SWAP70: variants seen among roughly 807,000 people sequenced by gnomAD.
SWAP70 encodes switch-associated protein 70.
SWAP70 carries 34 observed loss-of-function variants against 80.2 expected under a neutral mutation model. That is an observed-to-expected ratio of 0.42 (90% CI 0.32 to 0.56). The LOEUF (loss-of-function observed/expected upper bound fraction) is 0.56, where lower values mean the gene tolerates loss of function less well. Among genes scored for constraint, SWAP70 ranks in the 20% least tolerant of loss-of-function variants. SWAP70 has a pLI of 0.09. For synonymous variants in SWAP70, 239 were observed against 238.5 expected (o/e 1.00, Z -0.02); for missense variants, 578 against 690.7 (o/e 0.84, Z 1.83).
intron 1 of SWAP70, among the ~76,000 whole-genome samples, chr11:9,677,758 TTATTG>T (rs1306657192): frequency 1.3e-5 from 2 of 152,098 alleles, no homozygotes; most frequent in Non-Finnish European, 1.5e-5. Context: ...TTAAAAAAAT[TTATTG>T]TACCTTTTTG....
chr11:9,694,549 A>G (rs360048), intron 2 of SWAP70, among the ~76,000 whole-genome samples: 18,074 of 152,162 alleles, frequency 0.12, 2,195 homozygotes, highest in African/African-American at 0.31. Flanking sequence ...ATCTGTACCT[A>G]TTCTCTCTCA....
intron 1 of SWAP70, among the ~76,000 whole-genome samples, chr11:9,671,547 TAGAAATATATATAA>T (rs1191564599): frequency 2.4e-5 from 2 of 83,682 alleles, no homozygotes; most frequent in Non-Finnish European, 4.5e-5. Context: ...TAGAAATATA[TAGAAATATATATAA>T]ATATATTTAT....
chr11:9,733,075 C>T (rs1256723113), intron 7 of SWAP70, among the ~76,000 whole-genome samples: 2 of 152,122 alleles, frequency 1.3e-5, no homozygotes, highest in Non-Finnish European at 2.9e-5. Context: ...TCCTTAGCTC[C>T]CATCTTCACT....
At chr11:9,664,604 A>G (rs142450843) in intron 1 of SWAP70, among the ~76,000 whole-genome samples, 2 of 152,320 alleles carry the variant, frequency 1.3e-5, no homozygotes, top group East Asian at 3.9e-4. Flanking sequence ...GGGGGCAGAA[A>G]GTGGATTCTG....
At position 9,749,964 on chromosome 11, in the gene SWAP70, G is replaced by C. The variant is rs767486367; in HGVS notation, c.1752G>C (p.Thr584=). ...AGAACTGGAAAGAGAAAAAGACCACGGAGTGACTGAGCTTGCTGGCAGTCA... is the reference window on the plus strand; with the variant it reads ...AGAACTGGAAAGAGAAAAAGACCACCGAGTGACTGAGCTTGCTGGCAGTCA... The part of the protein sequence containing the change: ...REKNWKEKKT[T]E The change falls in exon 12 of 12, where the codon ACG becomes ACC. Residue 584 remains threonine, a synonymous_variant. Coordinates refer to ENST00000318950, the MANE Select transcript of SWAP70 (RefSeq NM_015055.4). The C allele has an allele frequency of 2.5e-6, 4 of 1,611,366 alleles. No individual in the cohort carries two copies. In the East Asian group the frequency reaches 8.9e-5, roughly 36 times the overall value.
At chr11:9,711,405 G>GTGTC (rs978774980) in intron 2 of SWAP70, among the ~76,000 whole-genome samples, 4 of 152,116 alleles carry the variant, frequency 2.6e-5, no homozygotes, top group South Asian at 2.1e-4. Context: ...GTGTGTGTGT[G>GTGTC]TGTCTGTCTG....
In SWAP70 at chr11:9,721,471, C is replaced by CT. The variant is rs11331062; in HGVS notation, c.415-3172dup. ...CTTTTAATATATTTTTTCTTTCTTT[C>CT]TTTTTTTTTTTTTTTAATGAGATAG... is the stretch of plus-strand genomic sequence containing the variant. On this transcript the variant is annotated intron_variant, in intron 3 of 11. Transcript: ENST00000318950. Among the ~76,000 whole-genome samples the CT allele has an allele frequency of 8.9e-3, 1,232 of 138,104 alleles. 6 individuals carry two copies. Among genetic ancestry groups the CT allele is most frequent in the Middle Eastern group, 0.015 (4 of 272 alleles). The allele number at this position is 138,104 out of a possible 152,430, so 90.6% of individuals were successfully genotyped here.
chr11:9,715,889 A>G (rs1369335552), intron 3 of SWAP70, among the ~76,000 whole-genome samples: 3 of 152,210 alleles, frequency 2.0e-5, no homozygotes, highest in Non-Finnish European at 4.4e-5. Flanking sequence ...AGAGTTCTCC[A>G]TAGTGCCCAC....
At chr11:9,745,013 C>T (rs1395833219) in intron 9 of SWAP70, among the ~76,000 whole-genome samples, 1 of 152,186 alleles carries the variant, frequency 6.6e-6, no homozygotes, top group Non-Finnish European at 1.5e-5. Flanking sequence ...ACACCTTAGT[C>T]GTGTCTGTAT....
intron 4 of SWAP70, among the ~76,000 whole-genome samples, 177 bp from the exon 5 acceptor site, chr11:9,727,876 G>T (rs1174454844): frequency 6.6e-6 from 1 of 152,164 alleles, no homozygotes; most frequent in Non-Finnish European, 1.5e-5. Flanking sequence ...GTCTGGTTAT[G>T]CTTGCATGAC....
At chr11:9,744,123 C>A (rs1851479625) in intron 9 of SWAP70, among the ~76,000 whole-genome samples, 1 of 152,020 alleles carries the variant, frequency 6.6e-6, no homozygotes, top group African/African-American at 2.4e-5. Flanking sequence ...CCACCACGCC[C>A]AGCTAATTTT....
At chr11:9,699,394 T>C in intron 2 of SWAP70, among the ~76,000 whole-genome samples, 1 of 152,222 alleles carries the variant, frequency 6.6e-6, no homozygotes, top group Non-Finnish European at 1.5e-5. Flanking sequence ...TGCTTTTTTT[T>C]TGTTGCTGTT....
In SWAP70 at chr11:9,738,171, T is replaced by G. The variant is rs749514011; in HGVS notation, c.1081-42T>G. ...CTCTCTCTCTTTAATGTACTTCTAC[T>G]CTAACACCTGCTTTTCTGTGGATGG... On this transcript the variant is annotated intron_variant, in intron 7 of 11. Coordinates refer to ENST00000318950, the MANE Select transcript of SWAP70 (RefSeq NM_015055.4). 2.0e-6 allele frequency: 3 copies of G among 1,485,618 alleles called. No individual in the cohort carries two copies. The Admixed American group carries it at 5.7e-5, about 28-fold the overall frequency. 92.0% of individuals were successfully genotyped at this position (1,485,618 alleles called of 1,614,324 possible). A position where few individuals can be genotyped will look rare whatever the true frequency, so the allele number is the denominator to read the frequency against.
At chr11:9,666,794 G>A (rs1215658190) in intron 1 of SWAP70, among the ~76,000 whole-genome samples, 3 of 147,926 alleles carry the variant, frequency 2.0e-5, no homozygotes, top group African/African-American at 5.0e-5. Context: ...GTGTGATCTC[G>A]GCTCACTGCA....
At chr11:9,725,559 ATATATATATATTTTT>A (rs1851207355) in intron 4 of SWAP70, among the ~76,000 whole-genome samples, 2 of 11,830 alleles carry the variant, frequency 1.7e-4, no homozygotes, top group African/African-American at 3.3e-4. Context: ...ATATATATAT[ATATATATATATTTTT>A]TTTTTTTTTT....
intron 1 of SWAP70, among the ~76,000 whole-genome samples, chr11:9,665,655 CT>C (rs1011889771): frequency 3.3e-5 from 5 of 152,152 alleles, no homozygotes; most frequent in African/African-American, 9.7e-5. Flanking sequence ...AAACTGATTT[CT>C]TTTACCCAGC....
At chr11:9,716,168 G>T (rs1590034864) in intron 3 of SWAP70, among the ~76,000 whole-genome samples, 1 of 152,222 alleles carries the variant, frequency 6.6e-6, no homozygotes, top group African/African-American at 2.4e-5. Flanking sequence ...CCTGTAGGCA[G>T]TGTGGAAAGA....
In SWAP70 at chr11:9,748,087, A is replaced by T. The variant is rs188346715; in HGVS notation, c.1554+31A>T. ...GAGACTTGGCCCTGCAAACTTGTAT[A>T]TTTAAATTTTTGAAAAACATTTCTC... On this transcript the variant is annotated intron_variant, in intron 10 of 11. Transcript: ENST00000318950. 2.3e-4 allele frequency: 369 copies of T among 1,594,538 alleles called. No individual in the cohort carries two copies. In the African/African-American group the frequency reaches 4.1e-3, roughly 18 times the overall value.
At chr11:9,728,654 C>T (rs1408647969) in intron 5 of SWAP70, among the ~76,000 whole-genome samples, 1 of 152,150 alleles carries the variant, frequency 6.6e-6, no homozygotes, top group African/African-American at 2.4e-5. Flanking sequence ...TTCATAGGTA[C>T]TAATTCTTTA....
Sources: allele counts gnomAD v4.1 joint callset (sites outside exome capture counted in the v4.1 genomes callset), GRCh38; gene constraint gnomAD v4.1.1; transcripts MANE v1.5; gene names NCBI Gene and HGNC (gene_info 2026-07-23, HGNC 2026-07-21).